The following TMPRSS4 variants were observed in gnomAD, a reference collection of about 807,000 sequenced individuals.
The protein encoded by TMPRSS4 is transmembrane protease serine 4.
TMPRSS4 carries 45 observed loss-of-function variants against 56.4 expected under a neutral mutation model. That is an observed-to-expected ratio of 0.80 (90% CI 0.63 to 1.02). TMPRSS4 has a LOEUF of 1.02. TMPRSS4 is among the 50% of genes least tolerant of loss of function. The pLI is 0.00. For missense variants in TMPRSS4, 546 were observed against 556.7 expected (o/e 0.98, Z 0.19); for synonymous variants, 205 against 211.0 (o/e 0.97, Z 0.25).
Position 118,093,086 on chromosome 11 carries a change from C to A in TMPRSS4, c.4-1730C>A, listed in dbSNP as rs116376262. On this transcript the variant is annotated intron_variant, in intron 1 of 12. Coordinates refer to ENST00000437212, the MANE Select transcript of TMPRSS4 (RefSeq NM_019894.4). ...GACTGCAGAACCAGGCTGTGTGCTACATCACAAGGCCACCCATGGCCTAGT... is the reference window on the plus strand; with the variant it reads ...GACTGCAGAACCAGGCTGTGTGCTAAATCACAAGGCCACCCATGGCCTAGT... 7.8e-3 allele frequency among the ~76,000 whole-genome samples: 1,181 copies of A among 152,320 alleles called. 17 individuals carry two copies. Among genetic ancestry groups the A allele is most frequent in the African/African-American group, 0.027 (1,138 of 41,566 alleles).
intron 1 of TMPRSS4, among the ~76,000 whole-genome samples, chr11:118,080,961 T>C (rs1945080368): frequency 6.6e-6 from 1 of 152,170 alleles, no homozygotes; most frequent in African/African-American, 2.4e-5. Context: ...TAAAGTGCAA[T>C]CATCTACCAC....
chr11:118,103,762 T>G (rs1946852946), intron 4 of TMPRSS4, among the ~76,000 whole-genome samples: 1 of 152,192 alleles, frequency 6.6e-6, no homozygotes, highest in Admixed American at 6.5e-5. Context: ...AGTAACTATT[T>G]GATGACCAAA....
Position 118,115,220 on chromosome 11 carries a change from G to T in TMPRSS4, c.1092G>T (p.Gly364=). 6.2e-7 allele frequency: 1 copy of T among 1,612,996 alleles called. No homozygotes were observed. The highest frequency in any genetic ancestry group is 8.5e-7 in the Non-Finnish European group (1 of 1,179,902). The change falls in exon 11 of 13, where the codon GGG becomes GGT. Residue 364 remains glycine, a synonymous_variant. Coordinates refer to ENST00000437212, the MANE Select transcript of TMPRSS4 (RefSeq NM_019894.4). ...GCAATGCAGACGATGCGTACCAGGG[G>T]GAAGTCACCGAGAAGATGATGTGTG... is the stretch of plus-strand genomic sequence containing the variant. ...TRCNADDAYQ[G]EVTEKMMCAG... is the part of the protein sequence containing the mutation.
downstream of TMPRSS4, among the ~76,000 whole-genome samples, chr11:118,125,048 C>T (rs1947861663): frequency 6.6e-6 from 1 of 152,228 alleles, no homozygotes; most frequent in Non-Finnish European, 1.5e-5. Context: ...CTTCCCCTGC[C>T]CTGGGCCAGG....
intron 1 of TMPRSS4, among the ~76,000 whole-genome samples, chr11:118,080,352 G>A (rs141231192): frequency 3.3e-5 from 5 of 152,300 alleles, no homozygotes; most frequent in South Asian, 2.1e-4. Flanking sequence ...TGGTAGTATA[G>A]GGACAACAGG....
chr11:118,122,544 T>C (rs1227580810), downstream of TMPRSS4, among the ~76,000 whole-genome samples: 4 of 152,152 alleles, frequency 2.6e-5, no homozygotes, highest in Non-Finnish European at 5.9e-5. Flanking sequence ...AAATCATCCT[T>C]TGTCACCACT....
chr11:118,078,647 C>T, intron 1 of TMPRSS4, among the ~76,000 whole-genome samples: 1 of 152,150 alleles, frequency 6.6e-6, no homozygotes, highest in South Asian at 2.1e-4. Context: ...TGGAGTCTAC[C>T]TAGCTGTGAG....
In TMPRSS4 at chr11:118,101,676, A is replaced by G. The variant is rs186966690; in HGVS notation, c.158-1425A>G. Reference sequence around the variant, plus strand: ...AATTTTTCGTATAGACGAGGGTCTCACTATGTTGCCGAGACTGATCTTGAA... The same window carrying G: ...AATTTTTCGTATAGACGAGGGTCTCGCTATGTTGCCGAGACTGATCTTGAA... On this transcript the variant is annotated intron_variant, in intron 3 of 12. Coordinates refer to ENST00000437212, the MANE Select transcript of TMPRSS4 (RefSeq NM_019894.4). 1.4e-3 allele frequency among the ~76,000 whole-genome samples: 220 copies of G among 152,252 alleles called. 1 individual carries two copies. Among genetic ancestry groups the G allele is most frequent in the African/African-American group, 5.1e-3 (211 of 41,546 alleles).
At chr11:118,086,134 G>A (rs770253367) in intron 1 of TMPRSS4, among the ~76,000 whole-genome samples, 2 of 152,318 alleles carry the variant, frequency 1.3e-5, no homozygotes, top group South Asian at 2.1e-4. Context: ...AAGCATAAGC[G>A]CTGTGCCTCA....
Position 118,098,103 on chromosome 11 carries a change from C to A in TMPRSS4, c.44-882C>A, listed in dbSNP as rs1591378059. 2.0e-5 allele frequency among the ~76,000 whole-genome samples: 3 copies of A among 152,206 alleles called. No homozygotes were observed. In the South Asian group the frequency reaches 6.2e-4, roughly 31 times the overall value. On this transcript the variant is annotated intron_variant, in intron 2 of 12. Transcript: ENST00000437212. Reference sequence around the variant, plus strand: ...CTTCCTAAAATTAATTTGATCCTGTCTCTCCACTGTTCAAAAACTTTCAAT... The same window carrying A: ...CTTCCTAAAATTAATTTGATCCTGTATCTCCACTGTTCAAAAACTTTCAAT...
At chr11:118,105,295 G>A (rs1946934327) in intron 5 of TMPRSS4, among the ~76,000 whole-genome samples, 1 of 152,170 alleles carries the variant, frequency 6.6e-6, no homozygotes, top group African/African-American at 2.4e-5. Flanking sequence ...AGCTCTCTCT[G>A]CAAATTTCAA....
At chr11:118,099,856 G>A (rs1747871658) in intron 3 of TMPRSS4, among the ~76,000 whole-genome samples, 1 of 152,128 alleles carries the variant, frequency 6.6e-6, no homozygotes, top group Non-Finnish European at 1.5e-5. Flanking sequence ...AGTACCTGAG[G>A]CCCAGTGTGG....
rs931825399 is a variant in TMPRSS4 at position 118,115,243 on chromosome 11, G to A, written c.1115G>A (p.Cys372Tyr). The change falls in exon 11 of 13, where the codon TGT becomes TAT. Residue 372 changes from cysteine (C) to tyrosine (Y), a missense_variant. Physicochemically the swap from Cys to Tyr is radical, Grantham distance 194. Transcript: ENST00000437212. Reference sequence around the variant, plus strand: ...GGGGAAGTCACCGAGAAGATGATGTGTGCAGGCATCCCGGAAGGGGGTGTG... The same window carrying A: ...GGGGAAGTCACCGAGAAGATGATGTATGCAGGCATCCCGGAAGGGGGTGTG... Reference protein sequence around the residue: ...YQGEVTEKMMCAGIPEGGVDT... With the variant: ...YQGEVTEKMMYAGIPEGGVDT... The A allele has an allele frequency of 1.1e-5, 17 of 1,612,834 alleles. No homozygotes were observed. The highest frequency in any genetic ancestry group is 1.4e-5 in the Non-Finnish European group (17 of 1,179,928).
chr11:118,109,344 G>C (rs1947165013), intron 7 of TMPRSS4, among the ~76,000 whole-genome samples: 2 of 152,244 alleles, frequency 1.3e-5, no homozygotes, highest in South Asian at 4.1e-4. Context: ...TTGCTGGCTA[G>C]AAGTAGAAAG....
At chr11:118,079,639 C>A (rs1231060243) in intron 1 of TMPRSS4, among the ~76,000 whole-genome samples, 1 of 152,226 alleles carries the variant, frequency 6.6e-6, no homozygotes, top group African/African-American at 2.4e-5. Context: ...CTGAGGTCAA[C>A]CCCCTGACGC....
intron 1 of TMPRSS4, among the ~76,000 whole-genome samples, chr11:118,077,844 C>T (rs1222645216): frequency 7.9e-5 from 12 of 151,616 alleles, no homozygotes; most frequent in Admixed American, 5.9e-4. Flanking sequence ...AAACCCCATC[C>T]GTACTAAAAA....
Position 118,118,386 on chromosome 11 carries a change from C to A in TMPRSS4, c.*473C>A, listed in dbSNP as rs186973566. The A allele has an allele frequency of 1.0e-6, 1 of 1,001,424 alleles. No homozygotes were observed. The highest frequency in any genetic ancestry group is 1.2e-6 in the Non-Finnish European group (1 of 840,902). 62.0% of individuals were successfully genotyped at this position (1,001,424 alleles called of 1,614,324 possible). A position where few individuals can be genotyped will look rare whatever the true frequency, so the allele number is the denominator to read the frequency against. Reference sequence around the variant, plus strand: ...ACTGCCCTACTGTTGGTATGACTACCGTTACCTACTGTTGTCATTGTTATT... The same window carrying A: ...ACTGCCCTACTGTTGGTATGACTACAGTTACCTACTGTTGTCATTGTTATT... On this transcript the variant is annotated 3_prime_UTR_variant, in exon 13 of 13. Coordinates refer to ENST00000437212, the MANE Select transcript of TMPRSS4 (RefSeq NM_019894.4).
Position 118,111,762 on chromosome 11 carries a change from C to T in TMPRSS4, c.605C>T (p.Thr202Ile), listed in dbSNP as rs763184827. ...CCAGCCTGTGGGAAGAGCCTGAAGA[C>T]CCCCCGTGTGGTGGGTGTGGAGGAG... ...HCLACGKSLK[T>I]PRVVGVEEAS... Residue 202 changes from threonine (T) to isoleucine (I), a missense_variant, in exon 8 of 13, where the codon ACC (threonine) becomes ATC (isoleucine). Transcript: ENST00000437212. The T allele has an allele frequency of 2.5e-6, 4 of 1,590,790 alleles. No homozygotes were observed. The highest frequency in any genetic ancestry group is 2.3e-5 in the South Asian group (2 of 87,356).
intron 1 of TMPRSS4, among the ~76,000 whole-genome samples, chr11:118,093,600 C>T (rs1004599320): frequency 5.3e-5 from 8 of 152,174 alleles, no homozygotes; most frequent in African/African-American, 1.4e-4. Context: ...AATGCCTTTG[C>T]GTGTATTTGT....
Sources: allele counts gnomAD v4.1 joint callset (sites outside exome capture counted in the v4.1 genomes callset), GRCh38; gene constraint gnomAD v4.1.1; transcripts MANE v1.5; gene names NCBI Gene and HGNC (gene_info 2026-07-23, HGNC 2026-07-21).